Variants in ZNF385D observed in about 807,000 individuals in gnomAD.
ZNF385D encodes zinc finger protein 659.
A neutral mutation model predicts 35.8 loss-of-function variants in ZNF385D; 15 were observed. The observed-to-expected ratio is 0.42, with a 90% CI of 0.28 to 0.64. ZNF385D has a LOEUF of 0.64. Ranked by LOEUF, ZNF385D falls within the 30% of genes least tolerant of loss-of-function variation. The pLI, the probability that ZNF385D is intolerant of heterozygous loss-of-function variation, is 0.23. For synonymous variants in ZNF385D, 212 were observed against 186.8 expected, an observed-to-expected ratio of 1.13 and a Z score of -1.10; for missense variants, 474 against 494.6, an observed-to-expected ratio of 0.96 and a Z score of 0.39.
intron 2 of ZNF385D, among the ~76,000 whole-genome samples, chr3:22,193,000 T>C (rs766288914): frequency 6.6e-6 from 1 of 152,198 alleles, no homozygotes; most frequent in Non-Finnish European, 1.5e-5. Flanking sequence ...GGCCAAGTTC[T>C]TTCCACCATG....
intron 4 of ZNF385D, among the ~76,000 whole-genome samples, chr3:21,438,350 C>T (rs1260795829): frequency 6.6e-6 from 1 of 152,102 alleles, no homozygotes; most frequent in Non-Finnish European, 1.5e-5. Flanking sequence ...CTATCTAATG[C>T]TACACTGAAA....
chr3:21,945,065 C>T (rs990079765), intron 3 of ZNF385D, among the ~76,000 whole-genome samples: 12 of 151,826 alleles, frequency 7.9e-5, no homozygotes, highest in African/African-American at 2.9e-4. Context: ...TTGTCAAATA[C>T]TAAATGCGTA....
chr3:21,441,081 T>C (rs542739526), intron 4 of ZNF385D, among the ~76,000 whole-genome samples: 1 of 152,148 alleles, frequency 6.6e-6, no homozygotes, highest in Non-Finnish European at 1.5e-5. Flanking sequence ...CCAATAAACA[T>C]AGATCATGTA....
At chr3:21,426,886 C>T (rs1194670578) in intron 5 of ZNF385D, among the ~76,000 whole-genome samples, 1 of 152,188 alleles carries the variant, frequency 6.6e-6, no homozygotes, top group African/African-American at 2.4e-5. Flanking sequence ...TTACATTTTA[C>T]TGAGTCCAAT....
intron 2 of ZNF385D, among the ~76,000 whole-genome samples, chr3:22,231,859 G>C (rs984469244): frequency 2.0e-5 from 3 of 152,018 alleles, no homozygotes; most frequent in Non-Finnish European, 4.4e-5. Flanking sequence ...TCATTCCTTT[G>C]ATGGTATTCT....
intron 1 of ZNF385D, among the ~76,000 whole-genome samples, chr3:21,729,930 G>A (rs9882615): frequency 0.16 from 24,986 of 152,108 alleles, 2,080 homozygotes; most frequent in Middle Eastern, 0.26. Flanking sequence ...CACAATGCAC[G>A]GACTTCATTC....
intron 2 of ZNF385D, among the ~76,000 whole-genome samples, chr3:22,258,544 C>T (rs1018897540): frequency 6.6e-6 from 1 of 151,402 alleles, no homozygotes; most frequent in South Asian, 2.1e-4. Context: ...CTCTGGGTAG[C>T]AGAACTTGTA....
At chr3:22,134,716 G>A (rs1465206055) in intron 3 of ZNF385D, among the ~76,000 whole-genome samples, 1 of 152,150 alleles carries the variant, frequency 6.6e-6, no homozygotes, top group African/African-American at 2.4e-5. Flanking sequence ...AGCACTAGAG[G>A]CTGAGAAGTC....
At chr3:21,968,897 T>G (rs1386271651) in intron 3 of ZNF385D, among the ~76,000 whole-genome samples, 1 of 152,148 alleles carries the variant, frequency 6.6e-6, no homozygotes, top group Non-Finnish European at 1.5e-5. Context: ...GCCACAGTGG[T>G]GTGGAGTACC....
intron 3 of ZNF385D, among the ~76,000 whole-genome samples, chr3:21,981,573 C>G (rs1335945558): frequency 6.6e-6 from 1 of 152,110 alleles, no homozygotes; most frequent in African/African-American, 2.4e-5. Context: ...TTAATCAGAT[C>G]CCACATTTCA....
chr3:22,359,108 A>T (rs1282449725), intron 2 of ZNF385D, among the ~76,000 whole-genome samples: 1 of 151,448 alleles, frequency 6.6e-6, no homozygotes, highest in Admixed American at 6.6e-5. Flanking sequence ...AACAAAAAAA[A>T]CACTTGATAA....
At chr3:21,706,122 G>A (rs2067889835) in intron 1 of ZNF385D, among the ~76,000 whole-genome samples, 1 of 152,150 alleles carries the variant, frequency 6.6e-6, no homozygotes, top group South Asian at 2.1e-4. Context: ...ATTGGTTACA[G>A]GACTAATAAT....
chr3:21,709,063 C>G (rs1236746106), intron 1 of ZNF385D, among the ~76,000 whole-genome samples: 1 of 152,168 alleles, frequency 6.6e-6, no homozygotes, highest in African/African-American at 2.4e-5. Flanking sequence ...AAAACTCTCA[C>G]AGGCTCAATA....
intron 3 of ZNF385D, among the ~76,000 whole-genome samples, chr3:21,828,160 T>G (rs1371421292): frequency 2.0e-5 from 3 of 152,210 alleles, no homozygotes; most frequent in African/African-American, 7.2e-5. Context: ...AGACTAGGGT[T>G]GGTTATAATT....
intron 2 of ZNF385D, among the ~76,000 whole-genome samples, chr3:22,242,730 T>C (rs1699565613): frequency 6.6e-6 from 1 of 151,148 alleles, no homozygotes; most frequent in South Asian, 2.2e-4. Context: ...CACTAAAATA[T>C]GAATAAAGAC....
At chr3:21,865,899 TG>T (rs1006717378) in intron 3 of ZNF385D, among the ~76,000 whole-genome samples, 1 of 152,114 alleles carries the variant, frequency 6.6e-6, no homozygotes, top group African/African-American at 2.4e-5. Flanking sequence ...TTATCCTGTT[TG>T]GGTTGACAGA....
intron 2 of ZNF385D, among the ~76,000 whole-genome samples, chr3:21,614,850 G>T (rs936563704): frequency 1.6e-4 from 25 of 152,214 alleles, no homozygotes; most frequent in African/African-American, 5.8e-4. Context: ...GCCTCCCGAA[G>T]TGCTGGGATT....
chr3:21,894,228 G>C (rs1266944286), intron 3 of ZNF385D, among the ~76,000 whole-genome samples: 1 of 152,050 alleles, frequency 6.6e-6, no homozygotes, highest in African/African-American at 2.4e-5. Context: ...AATAATTAAA[G>C]TTAAACAAAT....
chr3:21,942,803 A>T (rs1217307956), intron 3 of ZNF385D: 1 of 152,208 alleles, frequency 6.6e-6, no homozygotes, highest in Non-Finnish European at 1.5e-5. Flanking sequence ...TTCTTTAATC[A>T]GGTCATTGTT....
Sources: gnomAD v4.1 joint callset for allele counts (sites outside exome capture counted in the v4.1 genomes callset) on GRCh38, gnomAD v4.1.1 for gene constraint, MANE v1.5 for transcripts, NCBI Gene and HGNC (gene_info 2026-07-23, HGNC 2026-07-21) for gene names.